Variants in GLIS3 observed in about 807,000 individuals in gnomAD.
GLIS3 encodes the protein zinc finger protein GLIS3.
GLIS3 carries 53 observed loss-of-function variants against 78.6 expected under a neutral mutation model. That is an observed-to-expected ratio of 0.67 (90% CI 0.54 to 0.85). The LOEUF (loss-of-function observed/expected upper bound fraction) is 0.85, where lower values mean the gene tolerates loss of function less well. Among genes scored for constraint, GLIS3 ranks in the 40% least tolerant of loss-of-function variants. GLIS3 has a pLI of 0.00. For synonymous variants in GLIS3, 684 were observed against 509.9 expected, an observed-to-expected ratio of 1.34 and a Z score of -4.60; for missense variants, 1,703 against 1,231.1, an observed-to-expected ratio of 1.38 and a Z score of -5.74.
chr9:4,249,192 A>G (rs1824110855), intron 2 of GLIS3, among the ~76,000 whole-genome samples: 1 of 152,146 alleles, frequency 6.6e-6, no homozygotes, highest in Non-Finnish European at 1.5e-5. Context: ...GATAGCATTG[A>G]ATCTGTAAAT....
chr9:4,243,670 T>A (rs1823537201), intron 2 of GLIS3, among the ~76,000 whole-genome samples: 1 of 152,196 alleles, frequency 6.6e-6, no homozygotes, highest in African/African-American at 2.4e-5. Context: ...TGTCAGAACA[T>A]CATTGTGGAT....
chr9:3,946,433 G>A (rs1206815073), intron 4 of GLIS3, among the ~76,000 whole-genome samples: 1 of 152,062 alleles, frequency 6.6e-6, no homozygotes, highest in Non-Finnish European at 1.5e-5. Flanking sequence ...AATTAGGTAG[G>A]GTTGGTTACT....
chr9:3,829,951 CTG>C (rs945973168), intron 9 of GLIS3, among the ~76,000 whole-genome samples: 26 of 152,224 alleles, frequency 1.7e-4, no homozygotes, highest in African/African-American at 6.3e-4. Flanking sequence ...ATCCATCTAT[CTG>C]TCTTTCCAAT....
intron 4 of GLIS3, among the ~76,000 whole-genome samples, chr9:3,948,324 T>A (rs116341986): frequency 0.018 from 2,740 of 152,330 alleles, 78 homozygotes; most frequent in African/African-American, 0.056. Context: ...TTTTGGCTGA[T>A]GAGGAAATCT....
chr9:4,175,615 T>C (rs995492087), intron 2 of GLIS3, among the ~76,000 whole-genome samples: 1 of 152,222 alleles, frequency 6.6e-6, no homozygotes, highest in African/African-American at 2.4e-5. Flanking sequence ...TGGAATGATC[T>C]ATCCTTCTGG....
intron 2 of GLIS3, among the ~76,000 whole-genome samples, chr9:4,324,294 T>C (rs187059004): frequency 6.6e-6 from 1 of 152,324 alleles, no homozygotes; most frequent in East Asian, 1.9e-4. Context: ...GATGCTGACT[T>C]TTCCTATAGG....
At chr9:3,955,508 GAT>G (rs1287657486) in intron 4 of GLIS3, among the ~76,000 whole-genome samples, 2 of 152,074 alleles carry the variant, frequency 1.3e-5, no homozygotes, top group African/African-American at 4.8e-5. Context: ...CACCACAAGA[GAT>G]ATTATATATG....
At chr9:3,959,838 T>C (rs948809098) in intron 4 of GLIS3, among the ~76,000 whole-genome samples, 5 of 152,210 alleles carry the variant, frequency 3.3e-5, no homozygotes, top group Non-Finnish European at 5.9e-5. Flanking sequence ...TAATCCAATA[T>C]GTGTGGTCCC....
At chr9:4,333,938 A>C (rs755809915) in intron 2 of GLIS3, among the ~76,000 whole-genome samples, 5 of 152,174 alleles carry the variant, frequency 3.3e-5, no homozygotes, top group Non-Finnish European at 5.9e-5. Flanking sequence ...CCTACCTGGA[A>C]TGGTGCCACC....
intron 2 of GLIS3, among the ~76,000 whole-genome samples, chr9:4,142,227 G>T (rs1244501174): frequency 6.6e-6 from 1 of 152,164 alleles, no homozygotes; most frequent in Non-Finnish European, 1.5e-5. Flanking sequence ...TTTAAAAGTA[G>T]CAGTATTTAT....
At chr9:3,867,204 G>C (rs530097694) in intron 8 of GLIS3, among the ~76,000 whole-genome samples, 1 of 152,290 alleles carries the variant, frequency 6.6e-6, no homozygotes, top group South Asian at 2.1e-4. Flanking sequence ...TAGATAGGTC[G>C]GGGAAGCCAG....
intron 4 of GLIS3, among the ~76,000 whole-genome samples, chr9:4,112,082 C>T (rs908661241): frequency 5.9e-5 from 9 of 152,106 alleles, no homozygotes; most frequent in Non-Finnish European, 1.0e-4. Context: ...AAAATGGGAA[C>T]AGGGTGACAA....
chr9:4,385,484 C>T, the GLIS3 span, among the ~76,000 whole-genome samples: 2 of 151,944 alleles, frequency 1.3e-5, no homozygotes, highest in East Asian at 3.9e-4. Context: ...GCCAACATGG[C>T]ATAACCCTGT....
At chr9:4,284,870 G>T (rs1313883822) in intron 2 of GLIS3, among the ~76,000 whole-genome samples, 1 of 152,140 alleles carries the variant, frequency 6.6e-6, no homozygotes, top group Non-Finnish European at 1.5e-5. Flanking sequence ...GTGAGACCAA[G>T]ATCATGCCAC....
intron 2 of GLIS3, 25 bp downstream of exon 2, chr9:4,286,013 A>C (rs754393796): frequency 3.8e-5 from 62 of 1,613,928 alleles, no homozygotes; most frequent in Non-Finnish European, 5.1e-5. Flanking sequence ...TCCATTTTTA[A>C]AAGGTTCCAG....
chr9:4,017,038 G>C (rs539572470), intron 4 of GLIS3, among the ~76,000 whole-genome samples: 1 of 152,274 alleles, frequency 6.6e-6, no homozygotes, highest in East Asian at 1.9e-4. Flanking sequence ...CTGTCATCTG[G>C]TCCTGAGTGC....
chr9:4,336,957 A>T (rs1817765359), intron 2 of GLIS3, among the ~76,000 whole-genome samples: 1 of 152,254 alleles, frequency 6.6e-6, no homozygotes, highest in Non-Finnish European at 1.5e-5. Flanking sequence ...GTAAATGGAC[A>T]ATTTCCAGAG....
the GLIS3 span, among the ~76,000 whole-genome samples, chr9:4,364,348 T>C: frequency 6.6e-6 from 1 of 152,226 alleles, no homozygotes; most frequent in African/African-American, 2.4e-5. Context: ...GTGTATAGCA[T>C]ACCTTGGGTG....
At chr9:4,111,043 T>C (rs1352451935) in intron 4 of GLIS3, among the ~76,000 whole-genome samples, 2 of 152,170 alleles carry the variant, frequency 1.3e-5, no homozygotes, top group South Asian at 4.1e-4. Flanking sequence ...CAAACAAATT[T>C]TCCACACTGG....
Sources: gnomAD v4.1 joint callset for allele counts (sites outside exome capture counted in the v4.1 genomes callset) on GRCh38, gnomAD v4.1.1 for gene constraint, MANE v1.5 for transcripts, NCBI Gene and HGNC (gene_info 2026-07-23, HGNC 2026-07-21) for gene names.